The following ZNF516 variants were observed in gnomAD, a reference collection of about 807,000 sequenced individuals.
The protein encoded by ZNF516 is zinc finger protein 516.
In ZNF516, 19 loss-of-function variants were observed where a neutral mutation model predicts 79.7. The observed-to-expected ratio is 0.24, with a 90% CI of 0.17 to 0.35. The LOEUF (loss-of-function observed/expected upper bound fraction) is 0.35. Ranked by LOEUF, ZNF516 falls within the 10% of genes least tolerant of loss-of-function variation. The pLI is 1.00. For missense variants in ZNF516, 1,678 were observed against 1,679.5 expected, an observed-to-expected ratio of 1.00 and a Z score of 0.02; for synonymous variants, 877 against 739.5, an observed-to-expected ratio of 1.19 and a Z score of -3.02.
upstream of ZNF516, chr18:76,495,739 C>G: frequency 3.4e-6 from 4 of 1,174,362 alleles, no homozygotes; most frequent in South Asian, 1.5e-5. Flanking sequence ...TACCTGGGCA[C>G]TGCGCCCCAT....
chr18:76,491,120 G>C, intron 1 of ZNF516: 2 of 981,052 alleles, frequency 2.0e-6, no homozygotes, highest in Non-Finnish European at 2.4e-6. Context: ...CCCCACCTCC[G>C]CCAGAACAAA....
At chr18:76,366,527 G>C (rs753750875) in intron 6 of ZNF516, among the ~76,000 whole-genome samples, 1 of 152,182 alleles carries the variant, frequency 6.6e-6, no homozygotes, top group African/African-American at 2.4e-5. Flanking sequence ...GGCAGGTTCC[G>C]ACAAAGCCAC....
chr18:76,381,265 T>C (rs2145046753), intron 3 of ZNF516, among the ~76,000 whole-genome samples: 1 of 152,238 alleles, frequency 6.6e-6, no homozygotes, highest in Middle Eastern at 3.4e-3. Context: ...AAAAATTCGG[T>C]TTTATGTTTT....
At chr18:76,367,748 G>GA (rs1350237514) in intron 6 of ZNF516, among the ~76,000 whole-genome samples, 1 of 152,232 alleles carries the variant, frequency 6.6e-6, no homozygotes, top group Non-Finnish European at 1.5e-5. Context: ...AGAGAAGCAG[G>GA]AAAAATGGTT....
chr18:76,414,155 A>G (rs1435115998), intron 3 of ZNF516, among the ~76,000 whole-genome samples: 2 of 152,236 alleles, frequency 1.3e-5, no homozygotes, highest in Non-Finnish European at 2.9e-5. Context: ...ACATTAAATT[A>G]GTGAAATCCT....
At chr18:76,475,057 T>C (rs1456380354) in intron 1 of ZNF516, among the ~76,000 whole-genome samples, 14 of 152,190 alleles carry the variant, frequency 9.2e-5, no homozygotes, top group African/African-American at 2.7e-4. Context: ...AAACAACTCA[T>C]ATATAGGCTA....
intron 3 of ZNF516, among the ~76,000 whole-genome samples, chr18:76,401,448 G>A (rs1450793968): frequency 6.6e-6 from 1 of 152,120 alleles, no homozygotes; most frequent in Non-Finnish European, 1.5e-5. Flanking sequence ...CTGGAGCCCT[G>A]GATCTATGAA....
chr18:76,386,125 T>C (rs1219165775), intron 3 of ZNF516: 1 of 152,274 alleles, frequency 6.6e-6, no homozygotes, highest in Non-Finnish European at 1.5e-5. Context: ...TTTAGTTAAT[T>C]CCGTGAACAG....
intron 3 of ZNF516, among the ~76,000 whole-genome samples, chr18:76,382,352 C>G (rs1180776498): frequency 1.3e-5 from 2 of 152,084 alleles, no homozygotes; most frequent in Non-Finnish European, 2.9e-5. Context: ...CGACTCATTT[C>G]TAAATATTCG....
chr18:76,374,011 G>A (rs2074748095), intron 4 of ZNF516, among the ~76,000 whole-genome samples: 5 of 152,246 alleles, frequency 3.3e-5, no homozygotes, highest in Admixed American at 3.3e-4. Context: ...CAACTTCAGA[G>A]AGGGACACCC....
At chr18:76,458,046 G>A (rs1003680487) in intron 2 of ZNF516, among the ~76,000 whole-genome samples, 7 of 152,118 alleles carry the variant, frequency 4.6e-5, no homozygotes, top group African/African-American at 7.2e-5. Context: ...CACATCAGGC[G>A]CACCATGGTT....
intron 2 of ZNF516, among the ~76,000 whole-genome samples, chr18:76,457,815 C>A (rs1483756326): frequency 6.6e-6 from 1 of 152,182 alleles, no homozygotes; most frequent in Non-Finnish European, 1.5e-5. Flanking sequence ...TTTTTTTAAA[C>A]CCAAGGAGGT....
At chr18:76,366,128 A>C (rs2144893798) in intron 6 of ZNF516, among the ~76,000 whole-genome samples, 1 of 152,358 alleles carries the variant, frequency 6.6e-6, no homozygotes, top group South Asian at 2.1e-4. Context: ...TTTCTCTTCA[A>C]GCTTCAGGTG....
At chr18:76,375,880 G>C (rs2074780280) in intron 4 of ZNF516, among the ~76,000 whole-genome samples, 1 of 151,002 alleles carries the variant, frequency 6.6e-6, no homozygotes, top group Admixed American at 6.6e-5. Flanking sequence ...GATGGACACA[G>C]AAGGTCCTGG....
intron 3 of ZNF516, among the ~76,000 whole-genome samples, chr18:76,382,868 A>C (rs900345413): frequency 7.9e-5 from 12 of 152,102 alleles, no homozygotes; most frequent in African/African-American, 2.9e-4. Context: ...CAACATGGCA[A>C]AACCTCGTCT....
intron 1 of ZNF516, among the ~76,000 whole-genome samples, chr18:76,487,473 T>A (rs1416364160): frequency 6.6e-6 from 1 of 152,212 alleles, no homozygotes; most frequent in Non-Finnish European, 1.5e-5. Context: ...ATTCTTCAGT[T>A]AGAAAAATTA....
Position 76,442,917 on chromosome 18 carries a change from C to A in ZNF516, c.138G>T (p.Gln46His), listed in dbSNP as rs1220853971. The A allele has an allele frequency of 3.1e-6, 5 of 1,613,036 alleles. No individual in the cohort carries two copies. The change falls in exon 3 of 7, where the codon CAG becomes CAT. Residue 46 changes from glutamine to histidine, a missense_variant. Physicochemically the swap from Gln to His is conservative, Grantham distance 24 (BLOSUM62 0). Coordinates refer to ENST00000443185, the MANE Select transcript of ZNF516 (RefSeq NM_014643.4). ...CCICGKSFPF[Q>H]SSLSQHMRKH... ...TGCGCATGTGCTGCGAAAGCGAGCTCTGGAAGGGGAAGCTCTTGCCGCAGA... is the reference window on the plus strand; with the variant it reads ...TGCGCATGTGCTGCGAAAGCGAGCTATGGAAGGGGAAGCTCTTGCCGCAGA...
chr18:76,368,945 C>T (rs1021571314), intron 6 of ZNF516, among the ~76,000 whole-genome samples: 1 of 152,222 alleles, frequency 6.6e-6, no homozygotes, highest in Non-Finnish European at 1.5e-5. Context: ...ATCTCACCAA[C>T]TTGTTCCTAG....
upstream of ZNF516, chr18:76,495,297 G>T (rs1256001400): frequency 1.4e-5 from 2 of 144,686 alleles, no homozygotes. Flanking sequence ...GGCGCGCGGG[G>T]CCCGCCACGC....
Sources: allele counts gnomAD v4.1 joint callset (sites outside exome capture counted in the v4.1 genomes callset), GRCh38; gene constraint gnomAD v4.1.1; transcripts MANE v1.5; gene names NCBI Gene and HGNC (gene_info 2026-07-23, HGNC 2026-07-21).